Variants in CADM1 observed in about 807,000 individuals in gnomAD.
CADM1 encodes TSLC-1.
A neutral mutation model predicts 53.1 loss-of-function variants in CADM1; 15 were observed. That is an observed-to-expected ratio of 0.28 (90% CI 0.19 to 0.44). The LOEUF (loss-of-function observed/expected upper bound fraction) is 0.44, where lower values mean the gene tolerates loss of function less well. CADM1 is among the 20% of genes least tolerant of loss of function. The pLI, the probability that CADM1 is intolerant of heterozygous loss-of-function variation, is 1.00. For synonymous variants in CADM1, 281 were observed against 243.0 expected (o/e 1.16, Z -1.45); for missense variants, 434 against 611.3 (o/e 0.71, Z 3.06).
intron 1 of CADM1, among the ~76,000 whole-genome samples, chr11:115,392,252 G>A (rs1946854416): frequency 6.6e-6 from 1 of 151,912 alleles, no homozygotes; most frequent in Non-Finnish European, 1.5e-5. Flanking sequence ...CTATGCAGGG[G>A]GAGATATTTG....
In CADM1 at chr11:115,240,280, A is replaced by C. The variant is rs1443658339; in HGVS notation, c.265T>G (p.Phe89Val). 6.2e-7 allele frequency: 1 copy of C among 1,613,558 alleles called. No individual in the cohort carries two copies. The highest frequency in any genetic ancestry group is 1.3e-5 in the African/African-American group (1 of 74,906). ...PNRQTIYFRD[F>V]RPLKDSRFQL... ...TATAGAGATGGAAACTTACGCCTGA[A>C]GTCCCTGAAATAAATGGTCTGCCTG... Residue 89 changes from phenylalanine (F) to valine (V), a missense_variant, in exon 2 of 12, where the codon TTC becomes GTC. Coordinates refer to ENST00000331581, the MANE Select transcript of CADM1 (RefSeq NM_001301043.2).
intron 1 of CADM1, among the ~76,000 whole-genome samples, chr11:115,462,011 G>A (rs1948805902): frequency 6.6e-6 from 1 of 152,150 alleles, no homozygotes; most frequent in Admixed American, 6.5e-5. Context: ...AAAACACTGG[G>A]AAACATTTAG....
chr11:115,254,730 G>T (rs556208896), intron 1 of CADM1, among the ~76,000 whole-genome samples: 24 of 152,132 alleles, frequency 1.6e-4, no homozygotes, highest in Admixed American at 5.9e-4. Context: ...CTGAAAGGAG[G>T]ATCGTGGCAT....
chr11:115,305,181 T>C (rs746670062), intron 1 of CADM1, among the ~76,000 whole-genome samples: 26 of 151,986 alleles, frequency 1.7e-4, no homozygotes, highest in African/African-American at 6.0e-4. Context: ...GCTTGACAAG[T>C]GCTTAATATG....
chr11:115,236,257 T>C (rs1942007083), intron 3 of CADM1, among the ~76,000 whole-genome samples: 1 of 152,162 alleles, frequency 6.6e-6, no homozygotes, highest in African/African-American at 2.4e-5. Flanking sequence ...CATTGTAATA[T>C]CTGAAAACTC....
chr11:115,476,990 T>C (rs1949147426), intron 1 of CADM1, among the ~76,000 whole-genome samples: 1 of 152,084 alleles, frequency 6.6e-6, no homozygotes, highest in Non-Finnish European at 1.5e-5. Context: ...ATAAATATAA[T>C]GGGCCACATC....
At chr11:115,301,835 C>T (rs1056397133) in intron 1 of CADM1, among the ~76,000 whole-genome samples, 22 of 152,028 alleles carry the variant, frequency 1.4e-4, no homozygotes, top group Non-Finnish European at 2.4e-4. Flanking sequence ...AATTAAATAG[C>T]AATGCACTCA....
chr11:115,437,796 A>G (rs1420641558), intron 1 of CADM1, among the ~76,000 whole-genome samples: 1 of 152,202 alleles, frequency 6.6e-6, no homozygotes, highest in African/African-American at 2.4e-5. Context: ...TGATACTTGT[A>G]ACAGGAAGTT....
At chr11:115,192,635 G>A (rs747653848) in intron 9 of CADM1, among the ~76,000 whole-genome samples, 7 of 152,120 alleles carry the variant, frequency 4.6e-5, no homozygotes, top group Non-Finnish European at 7.4e-5. Context: ...ATATCAAAGC[G>A]TCCTACATAT....
intron 1 of CADM1, among the ~76,000 whole-genome samples, chr11:115,487,050 C>T (rs7925143): frequency 2.0e-5 from 3 of 152,200 alleles, no homozygotes; most frequent in East Asian, 1.9e-4. Flanking sequence ...TTACTGCCTA[C>T]GGCTTTGGTC....
intron 1 of CADM1, among the ~76,000 whole-genome samples, chr11:115,310,332 G>GA (rs1327356607): frequency 6.6e-6 from 1 of 151,864 alleles, no homozygotes; most frequent in African/African-American, 2.4e-5. Flanking sequence ...TAAACAGAGT[G>GA]AAAAAAATAA....
chr11:115,330,555 T>C (rs1391026717), intron 1 of CADM1, among the ~76,000 whole-genome samples: 1 of 152,178 alleles, frequency 6.6e-6, no homozygotes, highest in Non-Finnish European at 1.5e-5. Context: ...GTTACATTAA[T>C]GAGTTTGATG....
intron 1 of CADM1, among the ~76,000 whole-genome samples, chr11:115,252,547 G>A (rs1355021364): frequency 1.3e-5 from 2 of 152,152 alleles, no homozygotes; most frequent in African/African-American, 2.4e-5. Context: ...AACATATAAG[G>A]TAAATAGCAG....
chr11:115,477,083 C>G (rs2135402493), intron 1 of CADM1, among the ~76,000 whole-genome samples: 1 of 151,848 alleles, frequency 6.6e-6, no homozygotes, highest in South Asian at 2.1e-4. Context: ...GGCAGGATAG[C>G]ATAGGGTAGA....
chr11:115,239,319 G>A (rs1403168511), intron 2 of CADM1, among the ~76,000 whole-genome samples: 1 of 152,316 alleles, frequency 6.6e-6, no homozygotes, highest in East Asian at 1.9e-4. Context: ...AAAAGTGGAT[G>A]ACCTCGAGCC....
intron 1 of CADM1, among the ~76,000 whole-genome samples, chr11:115,286,493 C>G (rs1420682604): frequency 6.6e-6 from 1 of 152,156 alleles, no homozygotes; most frequent in Non-Finnish European, 1.5e-5. Context: ...AATGCAGTGA[C>G]CTGACAGTGG....
chr11:115,317,068 T>C (rs1944685919), intron 1 of CADM1, among the ~76,000 whole-genome samples: 1 of 152,198 alleles, frequency 6.6e-6, no homozygotes, highest in Non-Finnish European at 1.5e-5. Context: ...CTAGGACATT[T>C]ATTTTAAGAA....
At chr11:115,246,606 G>A (rs926288097) in intron 1 of CADM1, among the ~76,000 whole-genome samples, 1 of 152,204 alleles carries the variant, frequency 6.6e-6, no homozygotes, top group African/African-American at 2.4e-5. Flanking sequence ...GCCCAGCCAC[G>A]AGTAGATGCC....
intron 1 of CADM1, among the ~76,000 whole-genome samples, chr11:115,472,355 T>C (rs1949034001): frequency 6.6e-6 from 1 of 152,122 alleles, no homozygotes; most frequent in Admixed American, 6.5e-5. Flanking sequence ...TCTGTGACAG[T>C]AAATGGGTTC....
Sources: gnomAD v4.1 joint callset for allele counts (sites outside exome capture counted in the v4.1 genomes callset) on GRCh38, gnomAD v4.1.1 for gene constraint, MANE v1.5 for transcripts, NCBI Gene and HGNC (gene_info 2026-07-23, HGNC 2026-07-21) for gene names.